GATD1: variants seen among roughly 807,000 people sequenced by gnomAD.
GATD1 encodes glutamine amidotransferase-like class 1 domain-containing protein 1.
A neutral mutation model predicts 25.9 loss-of-function variants in GATD1; 23 were observed. The ratio of observed to expected loss-of-function variants is 0.89; its 90% CI spans 0.64 to 1.26. The LOEUF is 1.26. Among genes scored for constraint, GATD1 ranks in the 50% most tolerant of loss-of-function variants. GATD1 has a pLI of 0.00. For missense variants in GATD1, 347 were observed against 312.5 expected, an observed-to-expected ratio of 1.11 and a Z score of -0.83; for synonymous variants, 177 against 134.6, an observed-to-expected ratio of 1.31 and a Z score of -2.18.
At chr11:777,352 C>T in intron 1 of GATD1, 47 bp downstream of exon 1, 1 of 1,256,548 alleles carries the variant, frequency 8.0e-7, no homozygotes, top group Non-Finnish European at 1.0e-6. Flanking sequence ...CCGGGCAGCC[C>T]CCTCGCGGAC....
rs1016905071 is a variant in GATD1, at chr11:770,339, T to C, written c.*558A>G. 1 of 1,534,364 alleles carries C rather than the reference T, an allele frequency of 6.5e-7. No homozygotes were observed. The highest frequency in any genetic ancestry group is 2.4e-5 in the East Asian group (1 of 40,888). On this transcript the variant is annotated 3_prime_UTR_variant, in exon 8 of 8. Transcript: ENST00000319863. The stretch of plus-strand genomic sequence containing the variant: ...ACTTTGAAACCACACGCCAGGAAGA[T>C]TTCTTCAACAGGAAAGTGCTGCCAG...
intron 4 of GATD1, 25 bp downstream of exon 4, chr11:773,497 C>T: frequency 1.9e-6 from 3 of 1,584,954 alleles, no homozygotes; most frequent in Non-Finnish European, 2.6e-6. Context: ...TCCAACCCCT[C>T]CCCTGGGTCC....
Position 767,608 on chromosome 11 carries a change from C to A in GATD1, c.*3289G>T. The A allele has an allele frequency of 7.2e-7, 1 of 1,387,200 alleles. No homozygotes were observed. Among genetic ancestry groups the A allele is most frequent in the Admixed American group, 3.3e-5 (1 of 29,958 alleles). The allele number at this position is 1,387,200 out of a possible 1,614,324, so 85.9% of individuals were successfully genotyped here. A position where few individuals can be genotyped will look rare whatever the true frequency, so the allele number is the denominator to read the frequency against. On this transcript the variant is annotated 3_prime_UTR_variant, in exon 8 of 8. Coordinates refer to ENST00000319863, the MANE Select transcript of GATD1 (RefSeq NM_182612.4). ...CAATGAGGCTCACTGGCTCTTCATG[C>A]ACCCTGCTGTGGCCTGAGCACGTCC...
rs909263690 is a variant in GATD1 at position 777,432 on chromosome 11, C to G, written c.31G>C (p.Ala11Pro). 11 of 1,275,870 alleles carry G rather than the reference C, an allele frequency of 8.6e-6. No homozygotes were observed. In the African/African-American group the frequency reaches 1.4e-4, roughly 16 times the overall value. 79.0% of individuals were successfully genotyped at this position (1,275,870 alleles called of 1,614,324 possible). The change falls in exon 1 of 8, where the codon GCC becomes CCC. Residue 11 changes from alanine to proline, a missense_variant. Physicochemically the swap from Ala to Pro is conservative, Grantham distance 27. Transcript: ENST00000319863. MASERLPNRPACLLVASGAAE... is the reference protein window; with the variant it reads MASERLPNRPPCLLVASGAAE... ...GCGCCGCTGGCCACGAGCAGACAGG[C>G]GGGCCTGTTAGGGAGCCGCTCGGAC...
chr11:771,277 C>G, intron 6 of GATD1, 56 bp downstream of exon 6: 1 of 1,582,796 alleles, frequency 6.3e-7, no homozygotes, highest in South Asian at 1.1e-5. Flanking sequence ...CAGGCTGCAG[C>G]AGGGAAGCCC....
At chr11:773,758 C>A in intron 3 of GATD1, 129 bp from the exon 4 acceptor site, 1 of 743,622 alleles carries the variant, frequency 1.3e-6, no homozygotes, top group South Asian at 1.8e-5. Context: ...TCATCTGTCC[C>A]TTTTCCTCCA....
Position 773,695 on chromosome 11 carries a change from C to T in GATD1, c.248-66G>A, listed in dbSNP as rs1420764917. ...AGTGAGACTACCTGCAGGACCAGGC[C>T]CGAGTGCGTGGCCAGGACAGACCCT... On this transcript the variant is annotated intron_variant, in intron 3 of 7. Transcript: ENST00000319863. The T allele has an allele frequency of 5.6e-6, 7 of 1,254,330 alleles. No homozygotes were observed. In the East Asian group the frequency reaches 7.3e-5, roughly 13 times the overall value. The allele number at this position is 1,254,330 out of a possible 1,614,324, so 77.7% of individuals were successfully genotyped here.
In GATD1 at chr11:769,128, T is replaced by G. The variant is rs1270265625; in HGVS notation, c.*1769A>C. ...AAAAATAAATAAAATAAAAAGCATT[T>G]GTCCACAGAGGTCCATCACCACACG... On this transcript the variant is annotated 3_prime_UTR_variant, in exon 8 of 8. Transcript: ENST00000319863. 1 of 984,372 alleles carries G rather than the reference T, an allele frequency of 1.0e-6. No individual in the cohort carries two copies. The highest frequency in any genetic ancestry group is 1.2e-6 in the Non-Finnish European group (1 of 829,424). 61.0% of individuals were successfully genotyped at this position (984,372 alleles called of 1,614,324 possible). A position where few individuals can be genotyped will look rare whatever the true frequency, so the allele number is the denominator to read the frequency against.
chr11:772,596 T>C (rs1206561407), intron 4 of GATD1, 75 bp from the exon 5 acceptor site: 10 of 1,386,308 alleles, frequency 7.2e-6, no homozygotes, highest in African/African-American at 1.4e-5. Context: ...ATGCCCCTGC[T>C]TGTGGCTCCC....
Position 770,657 on chromosome 11 carries a change from G to T in GATD1, c.*240C>A. 2 of 1,419,304 alleles carry T rather than the reference G, an allele frequency of 1.4e-6. No individual in the cohort carries two copies. The highest frequency in any genetic ancestry group is 1.8e-6 in the Non-Finnish European group (2 of 1,090,536). 87.9% of individuals were successfully genotyped at this position (1,419,304 alleles called of 1,614,324 possible). On this transcript the variant is annotated 3_prime_UTR_variant, in exon 8 of 8. Coordinates refer to ENST00000319863, the MANE Select transcript of GATD1 (RefSeq NM_182612.4). Reference sequence around the variant, plus strand: ...GCTAGCACAGCTCTCCAGGCACGTGGGGTCTTTTCTCTGCCTCCTACCAGA... The same window carrying T: ...GCTAGCACAGCTCTCCAGGCACGTGTGGTCTTTTCTCTGCCTCCTACCAGA...
In GATD1 at chr11:767,773, G is replaced by T; in HGVS notation, c.*3124C>A. ...CTCACAAAAGAGGTTGCATCTACTG[G>T]TGCTTTCATCTTGGGCTTCCAGCCT... On this transcript the variant is annotated 3_prime_UTR_variant, in exon 8 of 8. Coordinates refer to ENST00000319863, the MANE Select transcript of GATD1 (RefSeq NM_182612.4). 1 of 285,230 alleles carries T rather than the reference G, an allele frequency of 3.5e-6. No individual in the cohort carries two copies. Among genetic ancestry groups the T allele is most frequent in the Non-Finnish European group, 5.5e-6 (1 of 181,660 alleles). The allele number at this position is 285,230 out of a possible 1,614,324, so 17.7% of individuals were successfully genotyped here.
Position 771,352 on chromosome 11 carries a change from A to G in GATD1, c.525T>C (p.Asp175=). Residue 175 remains aspartate, a synonymous_variant, in exon 6 of 8, where the codon GAT becomes GAC. Coordinates refer to ENST00000319863, the MANE Select transcript of GATD1 (RefSeq NM_182612.4). ...GCTCACCACTGAAGCAGGCGCCCGA[A>G]TCCTTCACGAAGTCCTCCACCACGA... The part of the protein sequence containing the change: ...LPLVVEDFVK[D]SGACFSASEP... The G allele has an allele frequency of 6.3e-7, 1 of 1,597,470 alleles. No homozygotes were observed. The highest frequency in any genetic ancestry group is 1.7e-5 in the Admixed American group (1 of 57,698).
intron 3 of GATD1, 73 bp downstream of exon 3, chr11:773,935 C>G (rs1863700752): frequency 7.1e-7 from 1 of 1,417,562 alleles, no homozygotes; most frequent in African/African-American, 1.4e-5. Context: ...ACTAAGACCC[C>G]AAACCTATCT....
intron 2 of GATD1, 134 bp downstream of exon 2, chr11:774,932 A>G (rs1863811384): frequency 4.0e-6 from 3 of 741,128 alleles, no homozygotes; most frequent in Admixed American, 2.5e-5. Context: ...GTTTGGTTAC[A>G]GACTCTTCAC....
At position 775,115 on chromosome 11, in the gene GATD1, C is replaced by T; in HGVS notation, c.92G>A (p.Cys31Tyr). 6.2e-7 allele frequency: 1 copy of T among 1,605,844 alleles called. No homozygotes were observed. Among genetic ancestry groups the T allele is most frequent in the Non-Finnish European group, 8.5e-7 (1 of 1,177,276 alleles). ...GAAGGCGGTGCTGGCCATCGTGAAACAGTGGAGGAAGGACTGGGCCGACAC... is the reference window on the plus strand; with the variant it reads ...GAAGGCGGTGCTGGCCATCGTGAAATAGTGGAGGAAGGACTGGGCCGACAC... ...EGVSAQSFLHCFTMASTAFNL... is the reference protein window; with the variant it reads ...EGVSAQSFLHYFTMASTAFNL... Residue 31 changes from cysteine (C) to tyrosine (Y), a missense_variant, in exon 2 of 8, where the codon TGT becomes TAT. Cys to Tyr is a radical substitution (Grantham distance 194, BLOSUM62 -2). Coordinates refer to ENST00000319863, the MANE Select transcript of GATD1 (RefSeq NM_182612.4).
chr11:772,523 T>C lies in GATD1; in HGVS notation c.356-2A>G, dbSNP rs1863556630. The C allele has an allele frequency of 6.2e-7, 1 of 1,609,838 alleles. No homozygotes were observed. Among genetic ancestry groups the C allele is most frequent in the African/African-American group, 1.3e-5 (1 of 74,952 alleles). On this transcript the variant is annotated splice_acceptor_variant, in intron 4 of 7. Coordinates refer to ENST00000319863, the MANE Select transcript of GATD1 (RefSeq NM_182612.4). LOFTEE classifies it high-confidence loss of function. ...CGTGGCCGACGGCGCAGATGGGTTCTGAAAGCCGTACATGGCGTTGAGGCC... is the reference window on the plus strand; with the variant it reads ...CGTGGCCGACGGCGCAGATGGGTTCCGAAAGCCGTACATGGCGTTGAGGCC...
chr11:774,039 G>GT lies in GATD1; in HGVS notation c.215dup (p.Tyr72Ter), dbSNP rs1430856998. ...TGGACTCGAGCTTGGCGGGGCTGGC[G>GT]TAAGCCTTGAGGCGGAAGTCTTGCA... Reference protein sequence around the residue: ...RWVQDFRLKAYASPAKLESID... With the variant: ...RWVQDFRLKA Residue 72 changes from tyrosine to a stop codon, truncating the protein, a stop_gained and frameshift_variant, in exon 3 of 8, where the codon TAC becomes TAAC. Coordinates refer to ENST00000319863, the MANE Select transcript of GATD1 (RefSeq NM_182612.4). LOFTEE classifies it high-confidence loss of function. The GT allele has an allele frequency of 1.2e-6, 2 of 1,613,488 alleles. No individual in the cohort carries two copies. Among genetic ancestry groups the GT allele is most frequent in the South Asian group, 1.1e-5 (1 of 91,094 alleles).
At chr11:776,211 G>A (rs1446382622) in intron 1 of GATD1, among the ~76,000 whole-genome samples, 1 of 151,926 alleles carries the variant, frequency 6.6e-6, no homozygotes, top group African/African-American at 2.4e-5. Flanking sequence ...TCGATCTCTT[G>A]ACCTCGTGAT....
rs1863540395 is a variant in GATD1, at chr11:772,425, AC to A, written c.450+1del. 1 of 1,612,840 alleles carries A rather than the reference AC, an allele frequency of 6.2e-7. No individual in the cohort carries two copies. Among genetic ancestry groups the A allele is most frequent in the African/African-American group, 1.3e-5 (1 of 74,834 alleles). On this transcript the variant is annotated splice_donor_variant, in intron 5 of 7. Transcript: ENST00000319863. LOFTEE classifies it high-confidence loss of function. ...AGCGTGCCTCGGCCTCCAGACACTC[AC>A]CCCTGTCAGGCTGTAGCTGTCGAAC...
Sources: allele counts gnomAD v4.1 joint callset (sites outside exome capture counted in the v4.1 genomes callset), GRCh38; gene constraint gnomAD v4.1.1; transcripts MANE v1.5; gene names NCBI Gene and HGNC (gene_info 2026-07-23, HGNC 2026-07-21).